CSTPP1: variants seen among roughly 807,000 people sequenced by gnomAD.
CSTPP1 encodes UPF0705 protein C11orf49.
At chr11:47,159,539 A>AGTC in the CSTPP1 span, 1 of 420,820 alleles carries the variant, frequency 2.4e-6, no homozygotes, top group Non-Finnish European at 4.7e-6. Context: ...AACAGGCGAG[A>AGTC]GTCAGGAATC....
the CSTPP1 span, chr11:47,052,764 T>A: frequency 8.1e-6 from 3 of 372,594 alleles, no homozygotes; most frequent in Non-Finnish European, 1.4e-5. Context: ...TAATGGTACC[T>A]ATTAAGAGCC....
At chr11:47,128,927 C>T in the CSTPP1 span, among the ~76,000 whole-genome samples, 1 of 152,136 alleles carries the variant, frequency 6.6e-6, no homozygotes, top group African/African-American at 2.4e-5. Context: ...TTTAAACACC[C>T]CCCAGAAATA....
chr11:47,025,505 A>G, the CSTPP1 span, among the ~76,000 whole-genome samples: 2,295 of 152,264 alleles, frequency 0.015, 59 homozygotes, highest in African/African-American at 0.053. Context: ...ATTTTTTTCA[A>G]CCAAATTCAT....
At chr11:47,115,935 G>A in the CSTPP1 span, among the ~76,000 whole-genome samples, 1 of 152,078 alleles carries the variant, frequency 6.6e-6, no homozygotes, top group African/African-American at 2.4e-5. Flanking sequence ...GATCTTTCCT[G>A]CTTTCTCTTG....
the CSTPP1 span, among the ~76,000 whole-genome samples, chr11:46,980,778 C>A: frequency 6.6e-6 from 1 of 151,902 alleles, no homozygotes; most frequent in African/African-American, 2.4e-5. Context: ...AAAAAGACAA[C>A]CAGAGAAGAA....
the CSTPP1 span, among the ~76,000 whole-genome samples, chr11:46,975,792 C>T: frequency 1.3e-5 from 2 of 152,308 alleles, no homozygotes; most frequent in Admixed American, 6.5e-5. Flanking sequence ...GAAAGTCTTT[C>T]AACTTCTTAA....
At chr11:47,152,470 G>A in the CSTPP1 span, among the ~76,000 whole-genome samples, 6 of 152,202 alleles carry the variant, frequency 3.9e-5, no homozygotes, top group Non-Finnish European at 7.3e-5. Context: ...AGTCCCATCT[G>A]TGGCTGAAAG....
the CSTPP1 span, among the ~76,000 whole-genome samples, chr11:47,021,434 G>A: frequency 1.3e-5 from 2 of 152,100 alleles, no homozygotes; most frequent in African/African-American, 4.8e-5. Flanking sequence ...GAGTAGAAAG[G>A]GGCCCCCATA....
chr11:47,061,831 T>C, the CSTPP1 span, among the ~76,000 whole-genome samples: 216 of 152,308 alleles, frequency 1.4e-3, no homozygotes, highest in African/African-American at 5.1e-3. Context: ...CAAAATCTTT[T>C]CTCCAGGGAG....
the CSTPP1 span, among the ~76,000 whole-genome samples, chr11:47,020,132 A>G: frequency 6.6e-6 from 1 of 152,224 alleles, no homozygotes; most frequent in East Asian, 1.9e-4. Flanking sequence ...AAGTATGGTC[A>G]CCATATGCCA....
the CSTPP1 span, among the ~76,000 whole-genome samples, chr11:46,940,915 G>T: frequency 6.6e-6 from 1 of 152,134 alleles, no homozygotes; most frequent in Non-Finnish European, 1.5e-5. Flanking sequence ...TGTCTCAAAG[G>T]CTTGGCAGAT....
the CSTPP1 span, among the ~76,000 whole-genome samples, chr11:47,096,079 A>G: frequency 1.3e-5 from 2 of 152,344 alleles, no homozygotes; most frequent in Admixed American, 6.5e-5. Context: ...AAGCACACCA[A>G]GGGATTCTGG....
the CSTPP1 span, among the ~76,000 whole-genome samples, chr11:47,138,842 G>T: frequency 1.6e-4 from 24 of 152,114 alleles, no homozygotes; most frequent in Admixed American, 1.2e-3. Context: ...AACCAGGCAC[G>T]GTTGCGCTTG....
the CSTPP1 span, among the ~76,000 whole-genome samples, chr11:46,955,391 G>A: frequency 6.7e-6 from 1 of 148,574 alleles, no homozygotes; most frequent in African/African-American, 2.5e-5. Context: ...TCGAGACAGG[G>A]TCTTGCTCTG....
chr11:47,049,393 T>C, the CSTPP1 span, among the ~76,000 whole-genome samples: 19 of 151,894 alleles, frequency 1.3e-4, no homozygotes, highest in African/African-American at 4.6e-4. Context: ...TCCCAACACT[T>C]TGGGAGGCTG....
At chr11:46,971,256 G>T in the CSTPP1 span, among the ~76,000 whole-genome samples, 1 of 152,246 alleles carries the variant, frequency 6.6e-6, no homozygotes, top group Non-Finnish European at 1.5e-5. Context: ...AAAGGAGAAA[G>T]GTAAGTTAAC....
the CSTPP1 span, among the ~76,000 whole-genome samples, chr11:47,066,145 T>C: frequency 1.3e-5 from 2 of 150,952 alleles, no homozygotes; most frequent in Non-Finnish European, 2.9e-5. Context: ...TTAATTGCTC[T>C]GGCTAGAACT....
chr11:47,009,568 G>A, the CSTPP1 span, among the ~76,000 whole-genome samples: 2 of 152,070 alleles, frequency 1.3e-5, no homozygotes, highest in Non-Finnish European at 2.9e-5. Flanking sequence ...AGGCCAAGGC[G>A]GGAGCATCAG....
At chr11:47,161,246 C>T in the CSTPP1 span, 21 of 1,613,260 alleles carry the variant, frequency 1.3e-5, no homozygotes, top group East Asian at 2.2e-5. Context: ...GGGTCGGACA[C>T]GGCTGTGCCC....
Sources: gnomAD v4.1 joint callset for allele counts (sites outside exome capture counted in the v4.1 genomes callset) on GRCh38, gnomAD v4.1.1 for gene constraint, MANE v1.5 for transcripts, NCBI Gene and HGNC (gene_info 2026-07-23, HGNC 2026-07-21) for gene names.